Variants in STARD13 observed in about 807,000 individuals in gnomAD.
STARD13 encodes StAR related lipid transfer domain containing 13.
STARD13 carries 62 observed loss-of-function variants against 106.4 expected under a neutral mutation model. That is an observed-to-expected ratio of 0.58 (90% CI 0.48 to 0.72). The LOEUF (loss-of-function observed/expected upper bound fraction) is 0.72, where lower values mean the gene tolerates loss of function less well. Among genes scored for constraint, STARD13 ranks in the 30% least tolerant of loss-of-function variants. STARD13 has a pLI of 0.00. For missense variants in STARD13, 1,387 were observed against 1,424.0 expected, an observed-to-expected ratio of 0.97 and a Z score of 0.42; for synonymous variants, 565 against 553.0, an observed-to-expected ratio of 1.02 and a Z score of -0.31.
chr13:33,227,583 G>T (rs566122977), intron 1 of STARD13, among the ~76,000 whole-genome samples: 2 of 152,156 alleles, frequency 1.3e-5, no homozygotes, highest in South Asian at 2.1e-4. Context: ...TAACACTAGG[G>T]CAAAGCATTT....
the STARD13 span, among the ~76,000 whole-genome samples, chr13:33,411,569 G>A: frequency 1.3e-5 from 2 of 152,118 alleles, no homozygotes; most frequent in South Asian, 2.1e-4. Flanking sequence ...GGCTCCCACC[G>A]AGAAACAAGT....
upstream of STARD13, among the ~76,000 whole-genome samples, chr13:33,286,838 A>G (rs1892080466): frequency 1.3e-5 from 2 of 152,032 alleles, no homozygotes. Context: ...GTTTGGCCAT[A>G]TCTGAGTGTG....
chr13:33,292,337 A>C (rs895952224), intron 1 of STARD13, among the ~76,000 whole-genome samples: 3 of 151,966 alleles, frequency 2.0e-5, no homozygotes, highest in African/African-American at 4.8e-5. Context: ...ATAAAGAATC[A>C]GCAGGCCTGT....
At chr13:33,148,968 T>G (rs1880909716) in intron 3 of STARD13, among the ~76,000 whole-genome samples, 1 of 152,222 alleles carries the variant, frequency 6.6e-6, no homozygotes, top group South Asian at 2.1e-4. Flanking sequence ...GAGAAGGCTA[T>G]ATCCTCTATG....
the STARD13 span, among the ~76,000 whole-genome samples, chr13:33,512,505 T>A: frequency 6.6e-6 from 1 of 152,162 alleles, no homozygotes; most frequent in African/African-American, 2.4e-5. Context: ...TTTGCTCTTG[T>A]CGCTTAGGCT....
the STARD13 span, among the ~76,000 whole-genome samples, chr13:33,641,688 C>A: frequency 1.3e-5 from 2 of 152,146 alleles, no homozygotes; most frequent in Non-Finnish European, 2.9e-5. Flanking sequence ...ACTCCTGGAA[C>A]CGTGCTGTAT....
intron 4 of STARD13, among the ~76,000 whole-genome samples, chr13:33,135,428 G>A (rs943072229): frequency 6.6e-6 from 1 of 152,206 alleles, no homozygotes; most frequent in African/African-American, 2.4e-5. Context: ...CATGGTACTG[G>A]TGTGTGGTCA....
the STARD13 span, among the ~76,000 whole-genome samples, chr13:33,675,539 C>T: frequency 6.6e-6 from 1 of 152,054 alleles, no homozygotes; most frequent in African/African-American, 2.4e-5. Flanking sequence ...GAAATATAAG[C>T]CCCTATCAAG....
the STARD13 span, among the ~76,000 whole-genome samples, chr13:33,507,565 A>C: frequency 5.3e-5 from 8 of 152,138 alleles, no homozygotes; most frequent in Admixed American, 2.6e-4. Context: ...TATAGAAAGA[A>C]TGTGTGTTCA....
intron 1 of STARD13, among the ~76,000 whole-genome samples, chr13:33,213,161 G>T (rs1334302903): frequency 6.6e-6 from 1 of 152,164 alleles, no homozygotes; most frequent in Non-Finnish European, 1.5e-5. Context: ...CCAATGCTAA[G>T]AATTTCATTC....
intron 1 of STARD13, among the ~76,000 whole-genome samples, chr13:33,235,802 G>C (rs1187480282): frequency 2.0e-5 from 3 of 152,230 alleles, no homozygotes; most frequent in Non-Finnish European, 4.4e-5. Flanking sequence ...AGTGATCTGT[G>C]CTTTGGCCAG....
chr13:33,152,792 C>T (rs973855659), intron 3 of STARD13, among the ~76,000 whole-genome samples: 1 of 152,200 alleles, frequency 6.6e-6, no homozygotes, highest in African/African-American at 2.4e-5. Context: ...CAAGCACAAG[C>T]CTTGAAATAA....
the STARD13 span, among the ~76,000 whole-genome samples, chr13:33,467,889 T>C: frequency 2.6e-5 from 4 of 152,208 alleles, no homozygotes; most frequent in Non-Finnish European, 4.4e-5. Context: ...GAACAGAAGA[T>C]TGCTGTCTTC....
Position 33,133,135 on chromosome 13 carries a change from C to T in STARD13, c.388-2846G>A, listed in dbSNP as rs527485904. On this transcript the variant is annotated intron_variant, in intron 4 of 13. Transcript: ENST00000336934. ...CAGAAACTACAACATTTAGTGTTGG[C>T]CCCAACTACCTCTCTCAAACCTGGT... 5.3e-5 allele frequency among the ~76,000 whole-genome samples: 8 copies of T among 152,230 alleles called. No individual in the cohort carries two copies. The East Asian group carries it at 1.4e-3, about 26-fold the overall frequency.
In STARD13 at chr13:33,285,524, A is replaced by T; in HGVS notation, c.115T>A (p.Tyr39Asn). 1.2e-6 allele frequency: 2 copies of T among 1,614,044 alleles called. No individual in the cohort carries two copies. Among genetic ancestry groups the T allele is most frequent in the Non-Finnish European group, 1.7e-6 (2 of 1,179,930 alleles). ...CGTGCTAGAATCCGGCTCATCCTGTAAGGAGAGCGTCTTGTAGTCTGATCA... is the reference window on the plus strand; with the variant it reads ...CGTGCTAGAATCCGGCTCATCCTGTTAGGAGAGCGTCTTGTAGTCTGATCA... Reference protein sequence around the residue: ...RFDQTTRRSPYRMSRILARHQ... With the variant: ...RFDQTTRRSPNRMSRILARHQ... The change falls in exon 1 of 14, where the codon TAC becomes AAC. Residue 39 changes from tyrosine to asparagine, a missense_variant. By Grantham distance (143) the Tyr-to-Asn change is moderately radical (BLOSUM62 -2). Transcript: ENST00000336934.
At chr13:33,301,546 G>A (rs1892708184) in intron 1 of STARD13, among the ~76,000 whole-genome samples, 1 of 142,082 alleles carries the variant, frequency 7.0e-6, no homozygotes, top group African/African-American at 2.5e-5. Flanking sequence ...TTTCCACCTT[G>A]AGTTTCTTTT....
At chr13:33,426,858 A>G in the STARD13 span, among the ~76,000 whole-genome samples, 1 of 152,190 alleles carries the variant, frequency 6.6e-6, no homozygotes, top group Non-Finnish European at 1.5e-5. Flanking sequence ...CTTACTCAAG[A>G]TTACATATAA....
chr13:33,518,026 A>G, the STARD13 span, among the ~76,000 whole-genome samples: 111 of 151,596 alleles, frequency 7.3e-4, no homozygotes, highest in Non-Finnish European at 1.3e-3. Context: ...AACAACAACA[A>G]CAACAACAAC....
the STARD13 span, among the ~76,000 whole-genome samples, chr13:33,453,926 CT>C: frequency 6.6e-6 from 1 of 152,120 alleles, no homozygotes; most frequent in Non-Finnish European, 1.5e-5. Context: ...AAAGAAAAGG[CT>C]TAAAAAGTAA....
Sources: gnomAD v4.1 joint callset for allele counts (sites outside exome capture counted in the v4.1 genomes callset) on GRCh38, gnomAD v4.1.1 for gene constraint, MANE v1.5 for transcripts, NCBI Gene and HGNC (gene_info 2026-07-23, HGNC 2026-07-21) for gene names.